DNAH8: variants seen among roughly 807,000 people sequenced by gnomAD.
DNAH8 encodes axonemal beta dynein heavy chain 8.
A neutral mutation model predicts 562.1 loss-of-function variants in DNAH8; 382 were observed. The ratio of observed to expected loss-of-function variants is 0.68; its 90% CI spans 0.63 to 0.74. The LOEUF (loss-of-function observed/expected upper bound fraction) is 0.74, where lower values mean the gene tolerates loss of function less well. Ranked by LOEUF, DNAH8 falls within the 30% of genes least tolerant of loss-of-function variation. The pLI is 0.00. For synonymous variants in DNAH8, 1,881 were observed against 1,919.4 expected (o/e 0.98, Z 0.52); for missense variants, 5,203 against 5,620.4 (o/e 0.93, Z 2.37).
rs1764229404 is a variant in DNAH8, at chr6:38,737,925, C to T, written c.1069C>T (p.His357Tyr). Residue 357 changes from histidine (H) to tyrosine (Y), a missense_variant, in exon 7 of 93, where the codon CAT becomes TAT. His to Tyr is a moderately conservative substitution (Grantham distance 83). Around this residue, in one of 6 missense-constraint regions of DNAH8, gnomAD observed 556 missense variants for 496.9 expected, o/e 1.12. Coordinates refer to ENST00000327475, the MANE Select transcript of DNAH8 (RefSeq NM_001206927.2). The part of the protein sequence containing the change: ...TAAASNSETV[H>Y]QLEEVLMVWY... ...TGCAGCCAGCAACTCAGAAACTGTTCATCAGCTGGAGGAAGTGCTGATGGT... is the reference window on the plus strand; with the variant it reads ...TGCAGCCAGCAACTCAGAAACTGTTTATCAGCTGGAGGAAGTGCTGATGGT... The T allele has an allele frequency of 6.2e-7, 1 of 1,607,782 alleles. No individual in the cohort carries two copies. The highest frequency in any genetic ancestry group is 1.3e-5 in the African/African-American group (1 of 74,278).
intron 65 of DNAH8, 113 bp downstream of exon 65, chr6:38,909,857 AT>A: frequency 1.1e-6 from 1 of 876,308 alleles, no homozygotes; most frequent in Non-Finnish European, 1.7e-6. Flanking sequence ...CACGAGCTGT[AT>A]TTTTAGATCT....
intron 23 of DNAH8, among the ~76,000 whole-genome samples, chr6:38,805,948 C>A (rs1029858185): frequency 3.3e-5 from 5 of 152,174 alleles, no homozygotes; most frequent in Non-Finnish European, 2.9e-5. Flanking sequence ...TAATGGTTAT[C>A]TGTATTGCAA....
At chr6:38,925,914 T>A in intron 73 of DNAH8, 141 bp from the exon 74 acceptor site, 1 of 742,296 alleles carries the variant, frequency 1.3e-6, no homozygotes, top group Non-Finnish European at 2.0e-6. Context: ...CAAGTTTGCT[T>A]TTTTTCGAAG....
intron 92 of DNAH8, among the ~76,000 whole-genome samples, chr6:39,028,808 A>C (rs1767470022): frequency 6.6e-6 from 1 of 152,202 alleles, no homozygotes; most frequent in African/African-American, 2.4e-5. Context: ...TGGTAACCAT[A>C]TGTCCTGATT....
intron 26 of DNAH8, among the ~76,000 whole-genome samples, chr6:38,817,921 A>G (rs917030570): frequency 6.6e-6 from 1 of 152,240 alleles, no homozygotes; most frequent in African/African-American, 2.4e-5. Context: ...CAAAAGATCA[A>G]AATCCAAAAA....
At position 39,030,311 on chromosome 6, in the gene DNAH8, C is replaced by T. The variant is rs773188551; in HGVS notation, c.14043C>T (p.Ile4681=). 1.2e-6 allele frequency: 2 copies of T among 1,614,150 alleles called. No homozygotes were observed. The highest frequency in any genetic ancestry group is 1.1e-5 in the South Asian group (1 of 91,086). The change falls in exon 93 of 93, where the codon ATC becomes ATT. Residue 4681 remains isoleucine (I), a synonymous_variant. Coordinates refer to ENST00000327475, the MANE Select transcript of DNAH8 (RefSeq NM_001206927.2). ...CCAGGCGAACTGATTTGACCTTCAT[C>T]ACTGTGGTATATTTACGAACAGTGT... The part of the protein sequence containing the change: ...KKPRRTDLTF[I]TVVYLRTVLS...
Position 39,012,243 on chromosome 6 carries a change from A to T in DNAH8, c.13400A>T (p.His4467Leu). The change falls in exon 90 of 93, where the codon CAT becomes CTT. Residue 4467 changes from histidine to leucine, a missense_variant. Around this residue, in one of 6 missense-constraint regions of DNAH8, gnomAD observed 1,399 missense variants for 1,518.4 expected, o/e 0.92. Transcript: ENST00000327475. ...EVKSRLIKMG[H>L]LNSMNIFLRQ... ...AAATCTCGTTTGATAAAGATGGGCC[A>T]TCTTAATTCAATGAACATATTTCTT... is the stretch of plus-strand genomic sequence containing the variant. 2 of 1,610,832 alleles carry T rather than the reference A, an allele frequency of 1.2e-6. No individual in the cohort carries two copies. The highest frequency in any genetic ancestry group is 1.7e-6 in the Non-Finnish European group (2 of 1,177,732).
At chr6:38,789,680 C>T (rs1353884735) in intron 18 of DNAH8, 123 bp from the exon 19 acceptor site, 1 of 631,828 alleles carries the variant, frequency 1.6e-6, no homozygotes, top group Admixed American at 3.3e-5. Context: ...TTTAAATGGG[C>T]AGCTGTCATG....
chr6:38,796,579 C>T (rs1050550796), intron 21 of DNAH8, among the ~76,000 whole-genome samples: 1 of 152,164 alleles, frequency 6.6e-6, no homozygotes, highest in Admixed American at 6.6e-5. Context: ...CGACCCCTGA[C>T]CTAACTGGTT....
At chr6:38,961,267 T>C (rs958976033) in intron 82 of DNAH8, among the ~76,000 whole-genome samples, 1 of 151,958 alleles carries the variant, frequency 6.6e-6, no homozygotes, top group Non-Finnish European at 1.5e-5. Flanking sequence ...AAAAAATATA[T>C]AGTCCAAAAT....
intron 88 of DNAH8, among the ~76,000 whole-genome samples, chr6:39,001,956 A>T (rs1468526836): frequency 6.6e-6 from 1 of 152,048 alleles, no homozygotes; most frequent in African/African-American, 2.4e-5. Flanking sequence ...GGAAACTAAG[A>T]AGGTCTGGGG....
intron 27 of DNAH8, among the ~76,000 whole-genome samples, chr6:38,823,323 T>TA (rs1773039969): frequency 6.6e-6 from 1 of 152,130 alleles, no homozygotes; most frequent in African/African-American, 2.4e-5. Flanking sequence ...GCGTCACACT[T>TA]ATGTAGACCC....
At chr6:38,898,461 A>T (rs1779852421) in intron 61 of DNAH8, 81 bp downstream of exon 61, 9 of 1,226,944 alleles carry the variant, frequency 7.3e-6, no homozygotes, top group Non-Finnish European at 9.9e-6. Context: ...TTTTGAGAGA[A>T]TAACTATATA....
intron 28 of DNAH8, among the ~76,000 whole-genome samples, chr6:38,825,229 T>C (rs1427947396): frequency 1.3e-5 from 2 of 152,088 alleles, no homozygotes; most frequent in Non-Finnish European, 1.5e-5. Flanking sequence ...TGCATGGTTG[T>C]TCTTGGGCCA....
intron 22 of DNAH8, 116 bp downstream of exon 22, chr6:38,803,427 A>G: frequency 1.4e-6 from 1 of 708,248 alleles, no homozygotes. Context: ...GAAGCAAAGA[A>G]GGTGTTCAGC....
intron 80 of DNAH8, among the ~76,000 whole-genome samples, chr6:38,948,275 A>G (rs926232206): frequency 1.3e-5 from 2 of 152,180 alleles, no homozygotes; most frequent in Non-Finnish European, 2.9e-5. Context: ...GGCATCTGCT[A>G]TGTGAGCCTT....
At chr6:38,883,084 A>C in intron 54 of DNAH8, 32 bp downstream of exon 54, 1 of 1,536,048 alleles carries the variant, frequency 6.5e-7, no homozygotes, top group South Asian at 1.3e-5. Context: ...TTAAATGATC[A>C]CAAACCATCC....
chr6:38,885,714 C>A (rs1488759114), intron 56 of DNAH8, among the ~76,000 whole-genome samples: 1 of 152,154 alleles, frequency 6.6e-6, no homozygotes, highest in African/African-American at 2.4e-5. Flanking sequence ...AGTGCTCTTC[C>A]CCTAGGTATC....
chr6:38,976,567 T>C (rs895474033), intron 85 of DNAH8, among the ~76,000 whole-genome samples: 5 of 152,194 alleles, frequency 3.3e-5, no homozygotes, highest in Non-Finnish European at 7.4e-5. Context: ...CAACATCACT[T>C]GGGAGCTTGT....
Sources: allele counts gnomAD v4.1 joint callset (sites outside exome capture counted in the v4.1 genomes callset), GRCh38; gene constraint gnomAD v4.1.1; regional missense constraint gnomAD v4.1.1; transcripts MANE v1.5; gene names NCBI Gene and HGNC (gene_info 2026-07-23, HGNC 2026-07-21).